The following STIM2 variants were observed in gnomAD, a reference collection of about 807,000 sequenced individuals.
The protein encoded by STIM2 is stromal interaction molecule 2.
A neutral mutation model predicts 85.8 loss-of-function variants in STIM2; 31 were observed. The observed-to-expected ratio is 0.36, with a 90% confidence interval of 0.27 to 0.49. STIM2 has a LOEUF of 0.49. Among genes scored for constraint, STIM2 ranks in the 20% least tolerant of loss-of-function variants. The pLI is 0.98. For synonymous variants in STIM2, 356 were observed against 331.1 expected (o/e 1.08, Z -0.82); for missense variants, 841 against 927.6 (o/e 0.91, Z 1.21).
At chr4:26,951,563 T>C (rs1301042849) in intron 2 of STIM2, among the ~76,000 whole-genome samples, 1 of 152,144 alleles carries the variant, frequency 6.6e-6, no homozygotes, top group Non-Finnish European at 1.5e-5. Context: ...TGTTTGTATA[T>C]TGTGTCTGTT....
rs760498987 is a variant in STIM2, at chr4:27,017,910, A to C, written c.1689A>C (p.Ser563=). ...CTTCCCCTGATCCAGATATCCTCTCAGTGTCAAGTTGCCCTGCGCTTTATC... is the reference window on the plus strand; with the variant it reads ...CTTCCCCTGATCCAGATATCCTCTCCGTGTCAAGTTGCCCTGCGCTTTATC... Residue 563 remains serine, a synonymous_variant, in exon 11 of 12, where the codon TCA becomes TCC. Coordinates refer to ENST00000467087, the MANE Select transcript of STIM2 (RefSeq NM_020860.4). 2 of 1,614,094 alleles carry C rather than the reference A, an allele frequency of 1.2e-6. No homozygotes were observed. The highest frequency in any genetic ancestry group is 2.2e-5 in the South Asian group (2 of 91,080).
chr4:26,957,682 A>G lies in STIM2; in HGVS notation c.353A>G (p.His118Arg), dbSNP rs1336056224. 2.5e-6 allele frequency: 4 copies of G among 1,597,536 alleles called. No homozygotes were observed. In the African/African-American group the frequency reaches 4.1e-5, roughly 16 times the overall value. The stretch of plus-strand genomic sequence containing the variant: ...AGCCATCTGCACAGAGAAGATAAAC[A>G]TATAACGATTGAGGATTTATGGAAA... The change falls in exon 3 of 12, where the codon CAT becomes CGT. Residue 118 changes from histidine (H) to arginine (R), a missense_variant. Around this residue, in one of 3 missense-constraint regions of STIM2, gnomAD observed 408 missense variants for 525.4 expected, o/e 0.78. Coordinates refer to ENST00000467087, the MANE Select transcript of STIM2 (RefSeq NM_020860.4).
chr4:26,996,392 C>T (rs1727961949), intron 4 of STIM2, among the ~76,000 whole-genome samples: 1 of 151,990 alleles, frequency 6.6e-6, no homozygotes, highest in African/African-American at 2.4e-5. Flanking sequence ...CAAAAAGACT[C>T]TAATCAGTTA....
intron 3 of STIM2, among the ~76,000 whole-genome samples, chr4:26,979,030 T>C (rs1727292457): frequency 6.6e-6 from 1 of 152,194 alleles, no homozygotes; most frequent in East Asian, 1.9e-4. Flanking sequence ...GGTAATTGAG[T>C]GTATCACTTC....
chr4:26,885,859 A>ATATATATATATATATATATG (rs1560194672), intron 1 of STIM2, among the ~76,000 whole-genome samples: 6 of 89,416 alleles, frequency 6.7e-5, no homozygotes, highest in Admixed American at 1.2e-4. Flanking sequence ...ATATATATAT[A>ATATATATATATATATATATG]TATATATATA....
At chr4:26,898,821 A>G (rs975893432) in intron 1 of STIM2, among the ~76,000 whole-genome samples, 4 of 152,168 alleles carry the variant, frequency 2.6e-5, no homozygotes, top group Non-Finnish European at 4.4e-5. Flanking sequence ...TGATGACATT[A>G]AAAAATTCAT....
intron 3 of STIM2, among the ~76,000 whole-genome samples, chr4:26,969,100 T>A (rs184643847): frequency 6.6e-6 from 1 of 152,312 alleles, no homozygotes; most frequent in African/African-American, 2.4e-5. Context: ...TAATGTAAGC[T>A]CAGAAAGGCA....
chr4:26,865,127 C>T (rs984036672), intron 1 of STIM2, among the ~76,000 whole-genome samples: 1 of 151,222 alleles, frequency 6.6e-6, no homozygotes, highest in Non-Finnish European at 1.5e-5. Context: ...TTACTGTATT[C>T]TCTTTCTCTT....
intron 1 of STIM2, among the ~76,000 whole-genome samples, chr4:26,878,406 A>G (rs776789087): frequency 4.0e-4 from 61 of 152,074 alleles, no homozygotes; most frequent in Non-Finnish European, 1.3e-4. Context: ...TAGTTTTGGT[A>G]TGGGATCATG....
intron 1 of STIM2, among the ~76,000 whole-genome samples, chr4:26,892,831 C>A (rs1723547339): frequency 1.3e-5 from 2 of 152,074 alleles, no homozygotes; most frequent in African/African-American, 4.8e-5. Flanking sequence ...CTACTTCTGG[C>A]AGTTTTTATT....
chr4:26,866,060 C>T (rs778509969), intron 1 of STIM2, among the ~76,000 whole-genome samples: 6 of 151,650 alleles, frequency 4.0e-5, no homozygotes, highest in Non-Finnish European at 7.4e-5. Context: ...GATTCATATG[C>T]AGGTTCATTG....
intron 1 of STIM2, among the ~76,000 whole-genome samples, chr4:26,882,788 A>G (rs759442519): frequency 2.0e-5 from 3 of 149,712 alleles, no homozygotes; most frequent in Admixed American, 6.7e-5. Flanking sequence ...TTCAACTACT[A>G]TATGTAAATC....
intron 5 of STIM2, among the ~76,000 whole-genome samples, chr4:26,999,794 C>T (rs974342268): frequency 2.6e-4 from 40 of 152,110 alleles, no homozygotes; most frequent in African/African-American, 9.7e-4. Flanking sequence ...AGCAAAGACT[C>T]ACTTGAAGCT....
intron 1 of STIM2, among the ~76,000 whole-genome samples, chr4:26,890,418 C>T (rs993337200): frequency 2.0e-5 from 3 of 152,120 alleles, no homozygotes; most frequent in Non-Finnish European, 2.9e-5. Context: ...CTTTATGAAT[C>T]GTGGGGCCAG....
Position 27,022,898 on chromosome 4 carries a change from G to T in STIM2, c.2143G>T (p.Ala715Ser). 1 of 1,614,196 alleles carries T rather than the reference G, an allele frequency of 6.2e-7. No homozygotes were observed. The highest frequency in any genetic ancestry group is 1.1e-5 in the South Asian group (1 of 91,078). Residue 715 changes from alanine (A) to serine (S), a missense_variant, in exon 12 of 12, where the codon GCC (alanine) becomes TCC (serine). Physicochemically the swap from Ala to Ser is moderately conservative, Grantham distance 99. Coordinates refer to ENST00000467087, the MANE Select transcript of STIM2 (RefSeq NM_020860.4). ...ACCAGTTCAGGAAGCCCCAAGTGTT[G>T]CCAGAATAAGCAGCATCCCACATGA...
chr4:26,962,559 A>AGT (rs34301656), intron 3 of STIM2, among the ~76,000 whole-genome samples: 4,251 of 142,648 alleles, frequency 0.03, 141 homozygotes, highest in African/African-American at 0.084. Context: ...ACTTTAATGC[A>AGT]GTGTGTGTGT....
chr4:26,896,036 G>A (rs937986190), intron 1 of STIM2, among the ~76,000 whole-genome samples: 1 of 152,136 alleles, frequency 6.6e-6, no homozygotes, highest in African/African-American at 2.4e-5. Context: ...TCCTCATCTG[G>A]AGCATGGAGT....
At chr4:26,979,164 C>G (rs1349352248) in intron 3 of STIM2, among the ~76,000 whole-genome samples, 6 of 152,114 alleles carry the variant, frequency 3.9e-5, no homozygotes, top group East Asian at 3.8e-4. Flanking sequence ...TTGCCTGGTA[C>G]TTTTTACTTT....
chr4:26,872,832 G>A (rs184727166), intron 1 of STIM2, among the ~76,000 whole-genome samples: 4 of 152,314 alleles, frequency 2.6e-5, no homozygotes, highest in Admixed American at 1.3e-4. Context: ...AATTTAGGTA[G>A]GCTAGTTAGA....
Sources: gnomAD v4.1 joint callset for allele counts (sites outside exome capture counted in the v4.1 genomes callset) on GRCh38, gnomAD v4.1.1 for gene constraint, gnomAD v4.1.1 regional missense constraint, MANE v1.5 for transcripts, NCBI Gene and HGNC (gene_info 2026-07-23, HGNC 2026-07-21) for gene names.